The following LRRC7 variants were observed in gnomAD, a reference collection of about 807,000 sequenced individuals.
LRRC7 encodes the protein leucine rich repeat containing 7.
A neutral mutation model predicts 175.7 loss-of-function variants in LRRC7; 23 were observed. The ratio of observed to expected loss-of-function variants is 0.13; its 90% CI spans 0.09 to 0.19. The LOEUF (loss-of-function observed/expected upper bound fraction) is 0.19. Ranked by LOEUF, LRRC7 falls within the 10% of genes least tolerant of loss-of-function variation. The probability of loss-of-function intolerance (pLI) is 1.00; values close to 1 mark genes in which losing one functional copy is unlikely to be tolerated. For synonymous variants in LRRC7, 685 were observed against 680.9 expected (o/e 1.01, Z -0.09); for missense variants, 1,354 against 1,904.7 (o/e 0.71, Z 5.38).
chr1:70,077,306 A>T (rs1213377586), intron 24 of LRRC7, among the ~76,000 whole-genome samples: 3 of 152,178 alleles, frequency 2.0e-5, no homozygotes, highest in Non-Finnish European at 4.4e-5. Flanking sequence ...GGTGCATTGT[A>T]AAGATAATCT....
At chr1:69,798,977 T>C (rs554722404) in intron 4 of LRRC7, among the ~76,000 whole-genome samples, 92 of 152,162 alleles carry the variant, frequency 6.0e-4, no homozygotes, top group African/African-American at 2.2e-3. Context: ...TTTTTTCTTT[T>C]TTTGTTTTTG....
At chr1:69,912,581 C>T (rs1209399083) in intron 7 of LRRC7, among the ~76,000 whole-genome samples, 2 of 152,094 alleles carry the variant, frequency 1.3e-5, no homozygotes, top group Non-Finnish European at 2.9e-5. Flanking sequence ...ATTGTTCTTG[C>T]TTATAGGGCA....
chr1:70,074,837 G>GT (rs1345427198), intron 23 of LRRC7, among the ~76,000 whole-genome samples: 5 of 152,024 alleles, frequency 3.3e-5, no homozygotes, highest in Admixed American at 1.3e-4. Flanking sequence ...TCACTGTAGT[G>GT]TTTTTTATGT....
intron 23 of LRRC7, among the ~76,000 whole-genome samples, chr1:70,062,246 G>A (rs1287246133): frequency 6.6e-6 from 1 of 152,024 alleles, no homozygotes; most frequent in African/African-American, 2.4e-5. Flanking sequence ...CTCTGGAACA[G>A]AATAAAAATG....
intron 4 of LRRC7, among the ~76,000 whole-genome samples, chr1:69,807,426 G>A (rs982471308): frequency 2.4e-4 from 36 of 152,018 alleles, no homozygotes; most frequent in Admixed American, 1.8e-3. Context: ...ATTTTGCAGC[G>A]ACTGGTACCG....
intron 7 of LRRC7, among the ~76,000 whole-genome samples, chr1:69,925,269 G>A (rs1299908317): frequency 6.6e-6 from 1 of 151,900 alleles, no homozygotes; most frequent in South Asian, 2.1e-4. Context: ...CTCTTTTTTG[G>A]GTGTGTCTCT....
chr1:69,801,786 C>A (rs1278664031), intron 4 of LRRC7, among the ~76,000 whole-genome samples: 3 of 142,886 alleles, frequency 2.1e-5, no homozygotes, highest in South Asian at 4.4e-4. Context: ...TTTCTAGTTT[C>A]TTGGGATGAG....
chr1:69,622,703 G>A (rs916716273), intron 1 of LRRC7, among the ~76,000 whole-genome samples: 34 of 152,134 alleles, frequency 2.2e-4, no homozygotes, highest in Non-Finnish European at 1.0e-4. Flanking sequence ...TGGGACTCAA[G>A]GTCTCAGGAG....
chr1:69,996,758 A>G (rs978904511), intron 11 of LRRC7, among the ~76,000 whole-genome samples: 2 of 151,920 alleles, frequency 1.3e-5, no homozygotes, highest in Non-Finnish European at 2.9e-5. Flanking sequence ...GTTGATCTAT[A>G]TCTCTGTTTT....
chr1:69,931,690 T>C, intron 8 of LRRC7, 120 bp downstream of exon 8: 1 of 789,480 alleles, frequency 1.3e-6, no homozygotes. Context: ...AATGTAAAAG[T>C]AAAAACCTGG....
At chr1:69,878,017 A>C (rs1378973822) in intron 7 of LRRC7, among the ~76,000 whole-genome samples, 1 of 152,170 alleles carries the variant, frequency 6.6e-6, no homozygotes, top group African/African-American at 2.4e-5. Context: ...GCAGGGAAAA[A>C]GAGTCAGCTG....
At chr1:70,119,145 C>T (rs1330697456) in intron 26 of LRRC7, among the ~76,000 whole-genome samples, 2 of 150,658 alleles carry the variant, frequency 1.3e-5, no homozygotes, top group Non-Finnish European at 3.0e-5. Context: ...GAAAAAAAAA[C>T]AACTGTTAAC....
intron 18 of LRRC7, among the ~76,000 whole-genome samples, chr1:70,032,717 G>A (rs1658889822): frequency 6.6e-6 from 1 of 152,026 alleles, no homozygotes; most frequent in Admixed American, 6.6e-5. Context: ...TTTTATTCAT[G>A]CTAGGCCTAG....
intron 8 of LRRC7, among the ~76,000 whole-genome samples, chr1:69,947,539 T>G (rs909699129): frequency 4.6e-5 from 7 of 152,196 alleles, no homozygotes; most frequent in Middle Eastern, 3.4e-3. Flanking sequence ...ACTCTACACT[T>G]TTACATTTCC....
intron 25 of LRRC7, among the ~76,000 whole-genome samples, chr1:70,094,462 A>T (rs1169450646): frequency 6.6e-6 from 1 of 152,214 alleles, no homozygotes. Context: ...TATTAGGAGC[A>T]TAGAAAATGT....
intron 7 of LRRC7, among the ~76,000 whole-genome samples, chr1:69,899,945 G>A (rs1012549028): frequency 3.0e-4 from 46 of 152,152 alleles, no homozygotes; most frequent in African/African-American, 1.0e-3. Flanking sequence ...GACCCAGTCC[G>A]TGGTATTCTG....
chr1:69,595,834 C>G (rs1646819918), intron 1 of LRRC7, among the ~76,000 whole-genome samples: 1 of 152,018 alleles, frequency 6.6e-6, no homozygotes, highest in Non-Finnish European at 1.5e-5. Context: ...TACTTAACTA[C>G]AATTATACCA....
At chr1:69,873,309 T>C (rs1167694654) in intron 7 of LRRC7, among the ~76,000 whole-genome samples, 1 of 152,156 alleles carries the variant, frequency 6.6e-6, no homozygotes, top group Non-Finnish European at 1.5e-5. Flanking sequence ...TATGCCTCTT[T>C]ACAAAAATAT....
At chr1:69,926,494 G>A (rs1375301623) in intron 7 of LRRC7, among the ~76,000 whole-genome samples, 1 of 140,270 alleles carries the variant, frequency 7.1e-6, no homozygotes, top group Non-Finnish European at 1.6e-5. Flanking sequence ...GGGTGCTCCT[G>A]TATCAGGTGC....
Sources: gnomAD v4.1 joint callset for allele counts (sites outside exome capture counted in the v4.1 genomes callset) on GRCh38, gnomAD v4.1.1 for gene constraint, MANE v1.5 for transcripts, NCBI Gene and HGNC (gene_info 2026-07-23, HGNC 2026-07-21) for gene names.